GALNT18: variants seen among roughly 807,000 people sequenced by gnomAD.
GALNT18 encodes the protein polypeptide N-acetylgalactosaminyltransferase 18, also known as GalNAc-transferase 18.
GALNT18 carries 44 observed loss-of-function variants against 69.5 expected under a neutral mutation model. That is an observed-to-expected ratio of 0.63 (90% CI 0.50 to 0.81). The LOEUF (loss-of-function observed/expected upper bound fraction) is 0.81. GALNT18 is among the 40% of genes least tolerant of loss of function. The pLI is 0.00. For missense variants in GALNT18, 715 were observed against 810.0 expected (o/e 0.88, Z 1.42); for synonymous variants, 364 against 318.2 (o/e 1.14, Z -1.53).
intron 2 of GALNT18, among the ~76,000 whole-genome samples, chr11:11,441,515 G>A (rs764184548): frequency 1.2e-4 from 19 of 152,072 alleles, no homozygotes; most frequent in Admixed American, 2.6e-4. Context: ...TAAAAATACC[G>A]GCTCGGCCAC....
rs186587011 is a variant in GALNT18, at chr11:11,562,194, C to A, written c.235+59165G>T. 1.3e-5 allele frequency among the ~76,000 whole-genome samples: 2 copies of A among 152,326 alleles called. No homozygotes were observed. The highest frequency in any genetic ancestry group is 1.9e-4 in the East Asian group (1 of 5,186). ...GAGCTAGACGTCCGCAATCAAGGTG[C>A]CAGCAAGATTGGTTCCTTCTGTGGG... On this transcript the variant is annotated intron_variant, in intron 1 of 10. Coordinates refer to ENST00000227756, the MANE Select transcript of GALNT18 (RefSeq NM_198516.3). The surrounding 1 kb of genome is among the most constrained non-coding windows in gnomAD (Gnocchi z 4.1).
chr11:11,493,184 C>A (rs1457193356), intron 1 of GALNT18, among the ~76,000 whole-genome samples: 1 of 146,382 alleles, frequency 6.8e-6, no homozygotes, highest in Non-Finnish European at 1.5e-5. Context: ...TCGCTTCAAC[C>A]TGGGAGGCGG....
chr11:11,598,700 A>T lies in GALNT18; in HGVS notation c.235+22659T>A, dbSNP rs1048671220. On this transcript the variant is annotated intron_variant, in intron 1 of 10. Coordinates refer to ENST00000227756, the MANE Select transcript of GALNT18 (RefSeq NM_198516.3). The surrounding 1 kb of genome is among the most constrained non-coding windows in gnomAD (Gnocchi z 4.8). The stretch of plus-strand genomic sequence containing the variant: ...AACCTATCACAGCTAGGTAATTAAG[A>T]TATTTTTTCTTTTTCAATATAGACA... 2.0e-5 allele frequency among the ~76,000 whole-genome samples: 3 copies of T among 152,152 alleles called. No homozygotes were observed. The highest frequency in any genetic ancestry group is 2.0e-4 in the Admixed American group (3 of 15,276).
At chr11:11,558,672 G>T (rs1054731320) in intron 1 of GALNT18, among the ~76,000 whole-genome samples, 2 of 152,004 alleles carry the variant, frequency 1.3e-5, no homozygotes, top group Non-Finnish European at 2.9e-5. Flanking sequence ...CTGGGATAAA[G>T]CTCCCCTCTT....
chr11:11,522,443 G>T (rs1857421003), intron 1 of GALNT18, among the ~76,000 whole-genome samples: 1 of 152,096 alleles, frequency 6.6e-6, no homozygotes. Context: ...TTGATTTTTT[G>T]TAGTTGTTTC....
At chr11:11,352,251 T>A (rs757163961) in intron 6 of GALNT18, 6 of 1,614,062 alleles carry the variant, frequency 3.7e-6, no homozygotes, top group Non-Finnish European at 5.1e-6. Context: ...GACAAGGTGC[T>A]GATTTTCACT....
In GALNT18 at chr11:11,497,761, T is replaced by TAC. The variant is rs1432296071; in HGVS notation, c.236-48826_236-48825insGT. Among the ~76,000 whole-genome samples, 1 of 146,836 alleles carries TAC rather than the reference T, an allele frequency of 6.8e-6. No homozygotes were observed. Among genetic ancestry groups the TAC allele is most frequent in the Non-Finnish European group, 1.5e-5 (1 of 66,528 alleles). The stretch of plus-strand genomic sequence containing the variant: ...CATATACATATTTTCTATATATATA[T>TAC]ATATATACACACACACACACATACA... On this transcript the variant is annotated intron_variant, in intron 1 of 10. Transcript: ENST00000227756. The surrounding 1 kb of genome is among the most constrained non-coding windows in gnomAD (Gnocchi z 4.2).
At chr11:11,324,368 G>C (rs1354556073) in intron 9 of GALNT18, among the ~76,000 whole-genome samples, 1 of 152,192 alleles carries the variant, frequency 6.6e-6, no homozygotes, top group African/African-American at 2.4e-5. Context: ...CATAGCAGCA[G>C]TATTCATGAT....
intron 5 of GALNT18, among the ~76,000 whole-genome samples, chr11:11,375,246 G>A (rs1337116118): frequency 6.6e-6 from 1 of 152,130 alleles, no homozygotes; most frequent in African/African-American, 2.4e-5. Flanking sequence ...TCTTCATCTG[G>A]GAATAAAACC....
rs1404073022 is a variant in GALNT18 at position 11,616,124 on chromosome 11, C to T, written c.235+5235G>A. 6.6e-6 allele frequency among the ~76,000 whole-genome samples: 1 copy of T among 152,086 alleles called. No individual in the cohort carries two copies. The highest frequency in any genetic ancestry group is 1.9e-4 in the East Asian group (1 of 5,184). ...GTGCTGGGATTATAGGTATAAGCCA[C>T]CACGCCTGGCCAAACACTGATAGTC... On this transcript the variant is annotated intron_variant, in intron 1 of 10. Coordinates refer to ENST00000227756, the MANE Select transcript of GALNT18 (RefSeq NM_198516.3). This position sits in a 1 kb window ranked among gnomAD's most constrained non-coding sequence, Gnocchi z 4.4.
chr11:11,615,860 T>A (rs760792825), intron 1 of GALNT18, among the ~76,000 whole-genome samples: 1 of 152,192 alleles, frequency 6.6e-6, no homozygotes, highest in Non-Finnish European at 1.5e-5. Context: ...GGTACACAGT[T>A]TGAAAACCAC....
chr11:11,353,032 C>G, intron 6 of GALNT18: 1 of 1,614,218 alleles, frequency 6.2e-7, no homozygotes, highest in East Asian at 2.2e-5. Context: ...CATTCCACCA[C>G]ATGTGACTCG....
chr11:11,456,736 C>T (rs1855932991), intron 1 of GALNT18, among the ~76,000 whole-genome samples: 1 of 152,188 alleles, frequency 6.6e-6, no homozygotes, highest in African/African-American at 2.4e-5. Context: ...GAGACCCACT[C>T]ACTCAGGTCA....
chr11:11,330,354 C>G lies in GALNT18; in HGVS notation c.1416+2340G>C, dbSNP rs116632173. Among the ~76,000 whole-genome samples the G allele has an allele frequency of 3.3e-3, 509 of 152,318 alleles. 3 individuals carry two copies. Among genetic ancestry groups the G allele is most frequent in the African/African-American group, 0.012 (489 of 41,580 alleles). On this transcript the variant is annotated intron_variant, in intron 8 of 10. Coordinates refer to ENST00000227756, the MANE Select transcript of GALNT18 (RefSeq NM_198516.3). ...AAAATAATTACCAGGAAGAATGATTCAGACCCAGCAAATACTCTTGCTATT... is the reference window on the plus strand; with the variant it reads ...AAAATAATTACCAGGAAGAATGATTGAGACCCAGCAAATACTCTTGCTATT...
At position 11,444,259 on chromosome 11, in the gene GALNT18, C is replaced by G. The variant is rs1855597033; in HGVS notation, c.428+4485G>C. On this transcript the variant is annotated intron_variant, in intron 2 of 10. Transcript: ENST00000227756. The surrounding 1 kb of genome is among the most constrained non-coding windows in gnomAD (Gnocchi z 4.4). ...TGCCTTGCAGATGCCACCCTCCAGG[C>G]CCTGCCTCCCTGCCACAGAGGCACC... 6.6e-6 allele frequency among the ~76,000 whole-genome samples: 1 copy of G among 152,012 alleles called. No individual in the cohort carries two copies. Among genetic ancestry groups the G allele is most frequent in the African/African-American group, 2.4e-5 (1 of 41,408 alleles).
intron 1 of GALNT18, among the ~76,000 whole-genome samples, chr11:11,524,934 T>C (rs950469752): frequency 2.0e-5 from 3 of 151,990 alleles, no homozygotes; most frequent in African/African-American, 7.3e-5. Flanking sequence ...TGAGAAGCAA[T>C]AGGAAAGGAG....
chr11:11,471,737 G>C (rs909683272), intron 1 of GALNT18, among the ~76,000 whole-genome samples: 5 of 152,058 alleles, frequency 3.3e-5, no homozygotes, highest in Admixed American at 1.3e-4. Context: ...GGGGTACTCA[G>C]CAAGAAAATA....
intron 1 of GALNT18, among the ~76,000 whole-genome samples, chr11:11,589,652 A>G (rs1214888200): frequency 6.6e-6 from 1 of 152,062 alleles, no homozygotes; most frequent in South Asian, 2.1e-4. Flanking sequence ...GCTGAATGCT[A>G]ATGACAGCCC....
chr11:11,417,981 C>G (rs1589984481), intron 3 of GALNT18, among the ~76,000 whole-genome samples: 2 of 152,268 alleles, frequency 1.3e-5, no homozygotes, highest in African/African-American at 4.8e-5. Flanking sequence ...TCTGTATTCA[C>G]TTAGGTTAAT....
Sources: gnomAD v4.1 joint callset for allele counts (sites outside exome capture counted in the v4.1 genomes callset) on GRCh38, gnomAD v4.1.1 for gene constraint, Gnocchi (gnomAD v3.1) non-coding constraint, MANE v1.5 for transcripts, NCBI Gene and HGNC (gene_info 2026-07-23, HGNC 2026-07-21) for gene names.